Variants in MAML3 observed in about 807,000 individuals in gnomAD.
MAML3 encodes mastermind-like protein 3.
MAML3 carries 27 observed loss-of-function variants against 101.9 expected under a neutral mutation model. The observed-to-expected ratio is 0.27, with a 90% confidence interval of 0.20 to 0.37. The LOEUF is 0.37. MAML3 is among the 10% of genes least tolerant of loss of function. MAML3 has a pLI of 1.00. For synonymous variants in MAML3, 501 were observed against 555.9 expected (o/e 0.90, Z 1.39); for missense variants, 1,316 against 1,444.9 (o/e 0.91, Z 1.45).
intron 1 of MAML3, among the ~76,000 whole-genome samples, chr4:139,938,369 A>C (rs761076765): frequency 6.6e-6 from 1 of 152,168 alleles, no homozygotes; most frequent in African/African-American, 2.4e-5. Flanking sequence ...AGAGTCATGA[A>C]GTGATTGGCT....
chr4:139,776,315 A>C lies in MAML3; in HGVS notation c.2080-45648T>G, dbSNP rs140997652. The stretch of plus-strand genomic sequence containing the variant: ...TATGTCTAAATTAGAGAGAAATTTG[A>C]GATCTGATTATGTCTGAAATGGCTC... On this transcript the variant is annotated intron_variant, in intron 2 of 4. Coordinates refer to ENST00000509479, the MANE Select transcript of MAML3 (RefSeq NM_018717.5). Among the ~76,000 whole-genome samples, 377 of 152,274 alleles carry C rather than the reference A, an allele frequency of 2.5e-3. 2 individuals carry two copies. Among genetic ancestry groups the C allele is most frequent in the African/African-American group, 8.5e-3 (355 of 41,556 alleles).
At chr4:140,051,808 G>A (rs1257571328) in intron 1 of MAML3, among the ~76,000 whole-genome samples, 1 of 152,108 alleles carries the variant, frequency 6.6e-6, no homozygotes, top group African/African-American at 2.4e-5. Context: ...GAGAAACAGA[G>A]GAGCTCAGCA....
intron 1 of MAML3, among the ~76,000 whole-genome samples, chr4:140,044,581 T>C (rs1041203748): frequency 3.9e-5 from 6 of 152,168 alleles, no homozygotes; most frequent in Non-Finnish European, 7.4e-5. Flanking sequence ...TACAAACCAA[T>C]GTGCTACCAG....
intron 2 of MAML3, among the ~76,000 whole-genome samples, chr4:139,883,887 G>GTCTT (rs1197304164): frequency 8.0e-5 from 9 of 111,804 alleles, no homozygotes; most frequent in Non-Finnish European, 1.5e-4. Context: ...ATAATTGCTT[G>GTCTT]TCTTTTTTTT....
intron 1 of MAML3, among the ~76,000 whole-genome samples, chr4:140,086,763 T>G (rs899749837): frequency 4.6e-5 from 7 of 152,246 alleles, no homozygotes; most frequent in African/African-American, 7.2e-5. Context: ...ACTAGAAATT[T>G]TCTTTGTTTC....
At chr4:139,889,170 C>T in intron 2 of MAML3, 187 bp downstream of exon 2, 2 of 1,113,514 alleles carry the variant, frequency 1.8e-6, no homozygotes, top group East Asian at 2.3e-5. Flanking sequence ...ATCATGCCAC[C>T]CTTTTCCATT....
intron 1 of MAML3, among the ~76,000 whole-genome samples, chr4:139,999,223 C>T (rs1020624190): frequency 1.3e-5 from 2 of 152,188 alleles, no homozygotes; most frequent in Non-Finnish European, 2.9e-5. Flanking sequence ...ACTGGCCATA[C>T]CCAACCCACA....
intron 2 of MAML3, among the ~76,000 whole-genome samples, chr4:139,846,374 T>A (rs942071007): frequency 3.6e-4 from 55 of 152,158 alleles, no homozygotes; most frequent in African/African-American, 1.3e-3. Context: ...TGAGACAGGG[T>A]CTCACTCTGT....
chr4:140,128,657 G>C (rs1299035127), intron 1 of MAML3, among the ~76,000 whole-genome samples: 1 of 152,178 alleles, frequency 6.6e-6, no homozygotes, highest in East Asian at 1.9e-4. Flanking sequence ...AGCTGCAGTG[G>C]TCCTCTAGAT....
chr4:140,150,288 T>G (rs567256123), intron 1 of MAML3, among the ~76,000 whole-genome samples: 2 of 152,358 alleles, frequency 1.3e-5, no homozygotes, highest in Admixed American at 6.5e-5. Flanking sequence ...AAAAGTAAGC[T>G]GTGGCTTGGG....
intron 1 of MAML3, among the ~76,000 whole-genome samples, chr4:140,065,056 G>A (rs143233367): frequency 1.6e-3 from 249 of 152,234 alleles, no homozygotes; most frequent in African/African-American, 5.7e-3. Context: ...GATTGAGGTC[G>A]TCTCTGCCTT....
chr4:140,041,131 A>C (rs1727078882), intron 1 of MAML3, among the ~76,000 whole-genome samples: 2 of 152,196 alleles, frequency 1.3e-5, no homozygotes, highest in Non-Finnish European at 2.9e-5. Flanking sequence ...ATGTCCAATA[A>C]TATGCATTTC....
intron 1 of MAML3, among the ~76,000 whole-genome samples, chr4:139,913,610 G>A (rs1732972477): frequency 6.6e-6 from 1 of 152,186 alleles, no homozygotes; most frequent in Non-Finnish European, 1.5e-5. Context: ...GACTCTCTCA[G>A]AAGCAGACGT....
At chr4:140,129,741 C>T (rs959237048) in intron 1 of MAML3, among the ~76,000 whole-genome samples, 5 of 152,142 alleles carry the variant, frequency 3.3e-5, no homozygotes, top group East Asian at 1.9e-4. Flanking sequence ...CCGAGGCGGG[C>T]GGATCACGAG....
intron 1 of MAML3, among the ~76,000 whole-genome samples, chr4:140,114,053 C>T (rs975754057): frequency 6.6e-6 from 1 of 152,156 alleles, no homozygotes; most frequent in African/African-American, 2.4e-5. Context: ...AAGTCCTTCC[C>T]ATCTTCTCTG....
chr4:140,024,550 G>A (rs746823769), intron 1 of MAML3, among the ~76,000 whole-genome samples: 14 of 152,118 alleles, frequency 9.2e-5, no homozygotes, highest in African/African-American at 2.7e-4. Context: ...ACAGGCATAA[G>A]CCACTGAGCC....
At chr4:139,849,832 T>C (rs1330390907) in intron 2 of MAML3, among the ~76,000 whole-genome samples, 1 of 152,236 alleles carries the variant, frequency 6.6e-6, no homozygotes, top group Non-Finnish European at 1.5e-5. Flanking sequence ...CATAAAATTC[T>C]GAAAGGAGAT....
intron 2 of MAML3, among the ~76,000 whole-genome samples, chr4:139,884,977 A>G (rs1289359949): frequency 6.6e-6 from 1 of 152,254 alleles, no homozygotes; most frequent in African/African-American, 2.4e-5. Flanking sequence ...TAGGACGGAA[A>G]AAAACCAGAT....
intron 1 of MAML3, among the ~76,000 whole-genome samples, chr4:139,935,402 T>G (rs1733488613): frequency 6.6e-6 from 1 of 152,160 alleles, no homozygotes; most frequent in Non-Finnish European, 1.5e-5. Flanking sequence ...GTGAAATAGA[T>G]TTAAGCAATA....
Sources: gnomAD v4.1 joint callset for allele counts (sites outside exome capture counted in the v4.1 genomes callset) on GRCh38, gnomAD v4.1.1 for gene constraint, MANE v1.5 for transcripts, NCBI Gene and HGNC (gene_info 2026-07-23, HGNC 2026-07-21) for gene names.